PLEKHA6: variants seen among roughly 807,000 people sequenced by gnomAD.
PLEKHA6 encodes the protein pleckstrin homology domain-containing family A member 6.
Under a neutral mutation model 116.7 loss-of-function variants are expected in PLEKHA6, and 60 were observed. The ratio of observed to expected loss-of-function variants is 0.51; its 90% CI spans 0.42 to 0.64. PLEKHA6 has a LOEUF of 0.64. Ranked by LOEUF, PLEKHA6 falls within the 30% of genes least tolerant of loss-of-function variation. The pLI, the probability that PLEKHA6 is intolerant of heterozygous loss-of-function variation, is 0.00. For missense variants in PLEKHA6, 1,338 were observed against 1,422.7 expected (o/e 0.94, Z 0.96); for synonymous variants, 489 against 556.1 (o/e 0.88, Z 1.70).
Position 204,277,478 on chromosome 1 carries a change from G to A in PLEKHA6, c.-94-2669C>T. On this transcript the variant is annotated intron_variant, in intron 1 of 22. Coordinates refer to ENST00000272203, the MANE Select transcript of PLEKHA6 (RefSeq NM_014935.5). This position sits in a 1 kb window ranked among gnomAD's most constrained non-coding sequence, Gnocchi z 4.1. The stretch of plus-strand genomic sequence containing the variant: ...TAGCTGGACGGGTGAAGGAGTCTGG[G>A]GCTGCATTCCCATCTGCACGGCTGA... 6.6e-6 allele frequency: 1 copy of A among 152,214 alleles called. No homozygotes were observed. Among genetic ancestry groups the A allele is most frequent in the East Asian group, 1.9e-4 (1 of 5,190 alleles). 9.4% of individuals were successfully genotyped at this position (152,214 alleles called of 1,614,324 possible). A position where few individuals can be genotyped will look rare whatever the true frequency, so the allele number is the denominator to read the frequency against.
rs141581226 is a variant in PLEKHA6 at position 204,261,313 on chromosome 1, G to T, written c.517C>A (p.Arg173=). Residue 173 remains arginine (R), a synonymous_variant, in exon 7 of 23, where the codon CGG becomes AGG. Coordinates refer to ENST00000272203, the MANE Select transcript of PLEKHA6 (RefSeq NM_014935.5). This position sits in a 1 kb window ranked among gnomAD's most constrained non-coding sequence, Gnocchi z 4.0. ...CAATTCCCTGGCACTCACCTGTGCCGCACAGCTTGGGGCACTGACTTCTGG... is the reference window on the plus strand; with the variant it reads ...CAATTCCCTGGCACTCACCTGTGCCTCACAGCTTGGGGCACTGACTTCTGG... ...PAQKSVPQAV[R]HSHEKPDSEN... 3.7e-6 allele frequency: 6 copies of T among 1,614,100 alleles called. No homozygotes were observed. The highest frequency in any genetic ancestry group is 1.3e-5 in the African/African-American group (1 of 75,012).
At chr1:204,250,668 G>A in intron 9 of PLEKHA6, 54 bp from the exon 10 acceptor site, 1 of 1,219,104 alleles carries the variant, frequency 8.2e-7, no homozygotes, top group Non-Finnish European at 1.2e-6. Flanking sequence ...GGGTATGCAG[G>A]GATAGGAAGC....
rs775770952 is a variant in PLEKHA6, at chr1:204,308,687, C to CTTTCTTTT, written c.-94-33879_-94-33878insAAAAGAAA. 1.2e-4 allele frequency among the ~76,000 whole-genome samples: 10 copies of CTTTCTTTT among 81,406 alleles called. No homozygotes were observed. The South Asian group carries it at 1.5e-3, about 12-fold the overall frequency. 53.4% of individuals were successfully genotyped at this position (81,406 alleles called of 152,430 possible). ...CAAGAAGGTAATTCTTTTTCTTTTT[C>CTTTCTTTT]TTTTTTTTTTTTTTTTTTTTTGAGA... On this transcript the variant is annotated intron_variant, in intron 1 of 22. Coordinates refer to ENST00000272203, the MANE Select transcript of PLEKHA6 (RefSeq NM_014935.5).
intron 1 of PLEKHA6, among the ~76,000 whole-genome samples, chr1:204,338,639 G>A (rs1672739907): frequency 6.6e-6 from 1 of 152,194 alleles, no homozygotes; most frequent in Non-Finnish European, 1.5e-5. Context: ...ACTGTGAGAA[G>A]AGCCATGTGA....
chr1:204,292,834 G>C (rs1331737983), intron 1 of PLEKHA6, among the ~76,000 whole-genome samples: 1 of 152,222 alleles, frequency 6.6e-6, no homozygotes, highest in Admixed American at 6.5e-5. Flanking sequence ...GATGTGAAGA[G>C]GGGGAATAAA....
At position 204,228,241 on chromosome 1, in the gene PLEKHA6, A is replaced by G. The variant is rs781762218; in HGVS notation, c.2886-13T>C. On this transcript the variant is annotated splice_polypyrimidine_tract_variant and intron_variant, in intron 20 of 22. Transcript: ENST00000272203. This position sits in a 1 kb window ranked among gnomAD's most constrained non-coding sequence, Gnocchi z 4.0. ...CACGTTCTGCATACTGAAGAGGCAC[A>G]GACACACAGAAATGGAGGGAGGGAC... The G allele has an allele frequency of 6.3e-7, 1 of 1,582,410 alleles. No individual in the cohort carries two copies.
At chr1:204,256,018 C>A (rs756653466) in intron 9 of PLEKHA6, among the ~76,000 whole-genome samples, 1 of 152,178 alleles carries the variant, frequency 6.6e-6, no homozygotes, top group African/African-American at 2.4e-5. Flanking sequence ...CTGGAAAAAT[C>A]GGTTGTTTCT....
intron 3 of PLEKHA6, among the ~76,000 whole-genome samples, chr1:204,271,223 A>T (rs1283370296): frequency 1.3e-5 from 2 of 152,210 alleles, no homozygotes; most frequent in Non-Finnish European, 2.9e-5. Context: ...GGAAGCCAAA[A>T]GATTGGACAC....
intron 1 of PLEKHA6, chr1:204,299,565 G>A: frequency 6.4e-6 from 6 of 930,554 alleles, no homozygotes; most frequent in Non-Finnish European, 7.7e-6. Flanking sequence ...ACACAGCTTT[G>A]AGACATTTTC....
chr1:204,371,968 G>A (rs1337705799), intron 1 of PLEKHA6, among the ~76,000 whole-genome samples: 1 of 152,198 alleles, frequency 6.6e-6, no homozygotes, highest in Non-Finnish European at 1.5e-5. Context: ...GGTTAAGGAA[G>A]GGGAAGCATG....
chr1:204,245,072 T>C, intron 14 of PLEKHA6, 69 bp from the exon 15 acceptor site: 2 of 1,083,258 alleles, frequency 1.8e-6, no homozygotes, highest in South Asian at 4.1e-5. Context: ...ATGGGCACTG[T>C]GAGTGGAGGT....
At chr1:204,275,611 G>T (rs1312428937) in intron 1 of PLEKHA6, 3 of 691,100 alleles carry the variant, frequency 4.3e-6, no homozygotes, top group East Asian at 1.3e-4. Context: ...ACCTGCTGTG[G>T]CTCCTCCGGC....
At chr1:204,263,141 G>A (rs948213582) in intron 6 of PLEKHA6, among the ~76,000 whole-genome samples, 10 of 152,200 alleles carry the variant, frequency 6.6e-5, no homozygotes, top group African/African-American at 1.9e-4. Flanking sequence ...AACATGCCGC[G>A]GGAAACAAGG....
intron 5 of PLEKHA6, 71 bp from the exon 6 acceptor site, chr1:204,265,113 G>T: frequency 9.5e-7 from 1 of 1,055,858 alleles, no homozygotes; most frequent in Non-Finnish European, 1.5e-6. Context: ...CAGGGGTGGG[G>T]AGGAGTGTGT....
In PLEKHA6 at chr1:204,224,532, G is replaced by A. The variant is rs184245232; in HGVS notation, c.3032-947C>T. 1.1e-4 allele frequency among the ~76,000 whole-genome samples: 16 copies of A among 151,554 alleles called. No homozygotes were observed. In the East Asian group the frequency reaches 1.6e-3, roughly 15 times the overall value. On this transcript the variant is annotated intron_variant, in intron 21 of 22. Coordinates refer to ENST00000272203, the MANE Select transcript of PLEKHA6 (RefSeq NM_014935.5). ...CCTGGACTTCATCACCTTCCCTGCC[G>A]TCTGTGCAAGAGAAAGAGCCAAGGT...
rs765927505 is a variant in PLEKHA6, at chr1:204,249,255, C to G, written c.1603G>C (p.Gly535Arg). 2.5e-6 allele frequency: 4 copies of G among 1,612,698 alleles called. No individual in the cohort carries two copies. Among genetic ancestry groups the G allele is most frequent in the Non-Finnish European group, 2.5e-6 (3 of 1,178,652 alleles). The change falls in exon 11 of 23, where the codon GGA becomes CGA. Residue 535 changes from glycine (G) to arginine (R), a missense_variant. Coordinates refer to ENST00000272203, the MANE Select transcript of PLEKHA6 (RefSeq NM_014935.5). ...LNEQDTDKLLGKLCEQNKVVR... is the reference protein window; with the variant it reads ...LNEQDTDKLLRKLCEQNKVVR... Reference sequence around the variant, plus strand: ...ACCTTGTTCTGCTCACACAATTTTCCCAGCAGCTTCTAGGGACCCAGAGAG... The same window carrying G: ...ACCTTGTTCTGCTCACACAATTTTCGCAGCAGCTTCTAGGGACCCAGAGAG...
chr1:204,338,525 A>G (rs1272857652), intron 1 of PLEKHA6, among the ~76,000 whole-genome samples: 1 of 152,202 alleles, frequency 6.6e-6, no homozygotes, highest in Non-Finnish European at 1.5e-5. Flanking sequence ...TATGCCAGGA[A>G]CTTTACTAGG....
At chr1:204,346,747 C>T in intron 1 of PLEKHA6, 1 of 801,112 alleles carries the variant, frequency 1.2e-6, no homozygotes, top group Admixed American at 2.0e-5. Flanking sequence ...GATATTTCTC[C>T]CATTTGCTTT....
intron 17 of PLEKHA6, among the ~76,000 whole-genome samples, chr1:204,235,202 G>C (rs905790133): frequency 3.3e-5 from 5 of 151,424 alleles, no homozygotes; most frequent in African/African-American, 1.2e-4. Context: ...AAAATGCTAA[G>C]GACTCTACTT....
Sources: allele counts gnomAD v4.1 joint callset (sites outside exome capture counted in the v4.1 genomes callset), GRCh38; gene constraint gnomAD v4.1.1; non-coding constraint Gnocchi (gnomAD v3.1); transcripts MANE v1.5; gene names NCBI Gene and HGNC (gene_info 2026-07-23, HGNC 2026-07-21).